Variants in SLN observed in about 807,000 individuals in gnomAD.
SLN encodes the protein sarcolipin.
For missense variants in SLN, 34 were observed against 37.4 expected, an observed-to-expected ratio of 0.91 and a Z score of 0.24; for synonymous variants, 19 against 14.4, an observed-to-expected ratio of 1.32 and a Z score of -0.72.
At chr11:107,710,531 C>A (rs935670241) in intron 1 of SLN, among the ~76,000 whole-genome samples, 8 of 152,108 alleles carry the variant, frequency 5.3e-5, no homozygotes. Context: ...TGACAGATAA[C>A]AAGTTAGAGG....
intron 1 of SLN, among the ~76,000 whole-genome samples, chr11:107,708,402 C>A (rs900763630): frequency 6.6e-6 from 1 of 152,074 alleles, no homozygotes; most frequent in East Asian, 1.9e-4. Flanking sequence ...TGATCTGGGA[C>A]ATGTAGCCTC....
intron 1 of SLN, among the ~76,000 whole-genome samples, chr11:107,709,485 A>G (rs754937547): frequency 2.0e-5 from 3 of 152,204 alleles, no homozygotes; most frequent in East Asian, 1.9e-4. Flanking sequence ...TATATTATCA[A>G]TGGACCAAAT....
intron 1 of SLN, among the ~76,000 whole-genome samples, chr11:107,710,047 A>G (rs1452275734): frequency 6.6e-6 from 1 of 152,238 alleles, no homozygotes; most frequent in Non-Finnish European, 1.5e-5. Flanking sequence ...TCAAGGAAAA[A>G]GGATTTATGA....
chr11:107,708,575 G>T (rs1189341919), intron 1 of SLN, among the ~76,000 whole-genome samples: 1 of 152,134 alleles, frequency 6.6e-6, no homozygotes, highest in Non-Finnish European at 1.5e-5. Flanking sequence ...TCTCTGAAGA[G>T]CCCTAATGAT....
In SLN at chr11:107,707,771, C is replaced by G; in HGVS notation, c.*64G>C. On this transcript the variant is annotated 3_prime_UTR_variant, in exon 2 of 2. Coordinates refer to ENST00000305991, the MANE Select transcript of SLN (RefSeq NM_003063.3). ...CCTGTGACAATGACAGCAGTGGGGT[C>G]TCAGGGCATAGAGCAGGCAGCTCCG... 8.1e-7 allele frequency: 1 copy of G among 1,231,338 alleles called. No individual in the cohort carries two copies. The allele number at this position is 1,231,338 out of a possible 1,614,324, so 76.3% of individuals were successfully genotyped here. A position where few individuals can be genotyped will look rare whatever the true frequency, so the allele number is the denominator to read the frequency against.
chr11:107,708,984 C>T (rs761347857), intron 1 of SLN, among the ~76,000 whole-genome samples: 3 of 152,284 alleles, frequency 2.0e-5, no homozygotes, highest in East Asian at 3.9e-4. Flanking sequence ...CAACCAAAAG[C>T]CCCTGGCATA....
chr11:107,709,707 TG>T (rs1867193052), intron 1 of SLN, among the ~76,000 whole-genome samples: 1 of 152,128 alleles, frequency 6.6e-6, no homozygotes, highest in African/African-American at 2.4e-5. Flanking sequence ...TCAAATCAGA[TG>T]GTGCCAACCA....
At chr11:107,710,177 C>T (rs1867197575) in intron 1 of SLN, among the ~76,000 whole-genome samples, 1 of 152,108 alleles carries the variant, frequency 6.6e-6, no homozygotes, top group Non-Finnish European at 1.5e-5. Context: ...GAAATAAAAC[C>T]ATAGTCCAAA....
intron 1 of SLN, among the ~76,000 whole-genome samples, chr11:107,710,509 A>G (rs1867200539): frequency 1.3e-5 from 2 of 152,030 alleles, no homozygotes; most frequent in Non-Finnish European, 2.9e-5. Context: ...GGAGATTAAG[A>G]TGTTTGTGTA....
At position 107,707,532 on chromosome 11, in the gene SLN, T is replaced by C; in HGVS notation, c.*303A>G. ...GAGACAGATCAGGGGCTTGTAACAA[T>C]CCTACATCATCATGAATCCAGTTTA... On this transcript the variant is annotated 3_prime_UTR_variant, in exon 2 of 2. Transcript: ENST00000305991. 1 of 310,408 alleles carries C rather than the reference T, an allele frequency of 3.2e-6. No homozygotes were observed. Among genetic ancestry groups the C allele is most frequent in the Non-Finnish European group, 6.0e-6 (1 of 165,500 alleles). 19.2% of individuals were successfully genotyped at this position (310,408 alleles called of 1,614,324 possible).
chr11:107,707,557 A>C lies in SLN; in HGVS notation c.*278T>G, dbSNP rs1867167583. On this transcript the variant is annotated 3_prime_UTR_variant, in exon 2 of 2. Transcript: ENST00000305991. ...TCCTACATCATCATGAATCCAGTTTAATTTTAACTTTGTGGCTTGTCTAAC... is the reference window on the plus strand; with the variant it reads ...TCCTACATCATCATGAATCCAGTTTCATTTTAACTTTGTGGCTTGTCTAAC... The C allele has an allele frequency of 2.8e-6, 1 of 363,010 alleles. No homozygotes were observed. Among genetic ancestry groups the C allele is most frequent in the African/African-American group, 2.1e-5 (1 of 48,622 alleles). The allele number at this position is 363,010 out of a possible 1,614,324, so 22.5% of individuals were successfully genotyped here. A position where few individuals can be genotyped will look rare whatever the true frequency, so the allele number is the denominator to read the frequency against.
At position 107,708,015 on chromosome 11, in the gene SLN, C is replaced by T; in HGVS notation, c.-75-10G>A. The T allele has an allele frequency of 2.3e-6, 2 of 876,062 alleles. No individual in the cohort carries two copies. Among genetic ancestry groups the T allele is most frequent in the South Asian group, 1.3e-5 (1 of 74,336 alleles). The allele number at this position is 876,062 out of a possible 1,614,324, so 54.3% of individuals were successfully genotyped here. ...GGCTTCTCCTCACCTCCTGATAAAA[C>T]ATAACAAAGAAAACACAAGGAGATT... On this transcript the variant is annotated splice_polypyrimidine_tract_variant and intron_variant, in intron 1 of 1. Coordinates refer to ENST00000305991, the MANE Select transcript of SLN (RefSeq NM_003063.3).
Position 107,708,021 on chromosome 11 carries a change from A to G in SLN, c.-75-16T>C, listed in dbSNP as rs548803143. On this transcript the variant is annotated splice_polypyrimidine_tract_variant and intron_variant, in intron 1 of 1. Transcript: ENST00000305991. ...TCCTCACCTCCTGATAAAACATAAC[A>G]AAGAAAACACAAGGAGATTAATGGG... 2.6e-4 allele frequency: 222 copies of G among 842,510 alleles called. No homozygotes were observed. In the East Asian group the frequency reaches 4.8e-3, roughly 18 times the overall value. The allele number at this position is 842,510 out of a possible 1,614,324, so 52.2% of individuals were successfully genotyped here.
At position 107,707,747 on chromosome 11, in the gene SLN, C is replaced by T. The variant is rs571951740; in HGVS notation, c.*88G>A. ...GTGCCCTCGGATGGAGAATGGCATCCTGTGACAATGACAGCAGTGGGGTCT... is the reference window on the plus strand; with the variant it reads ...GTGCCCTCGGATGGAGAATGGCATCTTGTGACAATGACAGCAGTGGGGTCT... On this transcript the variant is annotated 3_prime_UTR_variant, in exon 2 of 2. Transcript: ENST00000305991. 18 of 934,132 alleles carry T rather than the reference C, an allele frequency of 1.9e-5. No homozygotes were observed. The highest frequency in any genetic ancestry group is 4.9e-5 in the African/African-American group (3 of 61,728). The allele number at this position is 934,132 out of a possible 1,614,324, so 57.9% of individuals were successfully genotyped here.
At chr11:107,708,631 C>T (rs1022325240) in intron 1 of SLN, among the ~76,000 whole-genome samples, 2 of 152,134 alleles carry the variant, frequency 1.3e-5, no homozygotes, top group African/African-American at 4.8e-5. Flanking sequence ...ATAAAGACCA[C>T]CATTTTTGTC....
chr11:107,708,260 A>G (rs1420668648), intron 1 of SLN, among the ~76,000 whole-genome samples: 1 of 152,092 alleles, frequency 6.6e-6, no homozygotes, highest in Non-Finnish European at 1.5e-5. Context: ...ATCCAATATG[A>G]CTAGTGTCTT....
chr11:107,709,282 C>T (rs995658326), intron 1 of SLN, among the ~76,000 whole-genome samples: 50 of 152,050 alleles, frequency 3.3e-4, no homozygotes, highest in African/African-American at 1.2e-3. Flanking sequence ...TTAGATAATT[C>T]GATATCTATG....
At chr11:107,711,781 A>G (rs1867213498) in intron 1 of SLN, among the ~76,000 whole-genome samples, 182 bp downstream of exon 1, 1 of 151,980 alleles carries the variant, frequency 6.6e-6, no homozygotes, top group Non-Finnish European at 1.5e-5. Context: ...GAAAATGCAT[A>G]CCCTTAGGAG....
chr11:107,709,739 T>C (rs1410142182), intron 1 of SLN, among the ~76,000 whole-genome samples: 1 of 152,314 alleles, frequency 6.6e-6, no homozygotes, highest in East Asian at 1.9e-4. Flanking sequence ...AGCCAAATGA[T>C]GACAGATTTA....
Sources: gnomAD v4.1 joint callset for allele counts (sites outside exome capture counted in the v4.1 genomes callset) on GRCh38, gnomAD v4.1.1 for gene constraint, MANE v1.5 for transcripts, NCBI Gene and HGNC (gene_info 2026-07-23, HGNC 2026-07-21) for gene names.